The following EEIG1 variants were observed in gnomAD, a reference collection of about 807,000 sequenced individuals.
The protein encoded by EEIG1 is early estrogen-induced gene 1 protein.
chr9:127,970,177 G>A, the EEIG1 span, among the ~76,000 whole-genome samples: 5 of 152,110 alleles, frequency 3.3e-5, no homozygotes, highest in East Asian at 1.9e-4. Context: ...GCAGTGGCGC[G>A]ATCTCCGCAC....
the EEIG1 span, among the ~76,000 whole-genome samples, chr9:127,950,998 AGGAGCCCCAG>A: frequency 6.6e-6 from 1 of 152,204 alleles, no homozygotes; most frequent in Non-Finnish European, 1.5e-5. Flanking sequence ...CAGGATGAGC[AGGAGCCCCAG>A]GGAAGGCGCC....
chr9:127,975,694 G>C, the EEIG1 span, among the ~76,000 whole-genome samples: 3 of 152,194 alleles, frequency 2.0e-5, no homozygotes, highest in East Asian at 5.8e-4. Flanking sequence ...CTTGCTATGA[G>C]GTAAGTCAGT....
At chr9:127,949,769 G>A in the EEIG1 span, among the ~76,000 whole-genome samples, 5 of 152,226 alleles carry the variant, frequency 3.3e-5, no homozygotes, top group Non-Finnish European at 7.3e-5. Context: ...CCGGCCAGGT[G>A]AAAGGTGTGG....
At chr9:127,946,070 G>A in the EEIG1 span, among the ~76,000 whole-genome samples, 14 of 152,378 alleles carry the variant, frequency 9.2e-5, no homozygotes, top group Admixed American at 1.3e-4. Flanking sequence ...TGCTTACTGG[G>A]GGTCTGGCCC....
At chr9:127,977,959 T>A in the EEIG1 span, among the ~76,000 whole-genome samples, 1 of 152,184 alleles carries the variant, frequency 6.6e-6, no homozygotes, top group Non-Finnish European at 1.5e-5. Flanking sequence ...ACTTGCCCAA[T>A]GTCACTCAGC....
At chr9:127,943,076 G>A in the EEIG1 span, 298 of 900,910 alleles carry the variant, frequency 3.3e-4, 1 homozygote, top group Non-Finnish European at 6.6e-5. Context: ...GTGCATGGAG[G>A]AGGCATGGAT....
chr9:127,976,147 G>A, the EEIG1 span, among the ~76,000 whole-genome samples: 1 of 152,238 alleles, frequency 6.6e-6, no homozygotes, highest in African/African-American at 2.4e-5. The surrounding 1 kb of genome is among the most constrained non-coding windows in gnomAD (Gnocchi z 4.1). Context: ...AAGGTCTGGG[G>A]CTGTCACACG....
At chr9:127,950,744 A>T in the EEIG1 span, 2 of 1,384,164 alleles carry the variant, frequency 1.4e-6, no homozygotes, top group African/African-American at 2.9e-5. Flanking sequence ...AAAGCCAGGA[A>T]CTCACATCCC....
chr9:127,965,808 C>T, the EEIG1 span, among the ~76,000 whole-genome samples: 142 of 152,362 alleles, frequency 9.3e-4, no homozygotes, highest in African/African-American at 3.3e-3. Context: ...TGGGGACCAG[C>T]CAAGGCGTCC....
chr9:127,966,774 C>G, the EEIG1 span, among the ~76,000 whole-genome samples: 1 of 152,220 alleles, frequency 6.6e-6, no homozygotes, highest in East Asian at 1.9e-4. Context: ...TCCTGTGTGC[C>G]AAGTAATTCT....
chr9:127,941,035 G>A, the EEIG1 span: 13 of 152,168 alleles, frequency 8.5e-5, no homozygotes, highest in Non-Finnish European at 1.8e-4. Flanking sequence ...AAGTCCAGGA[G>A]CTGTGGGCAC....
chr9:127,948,645 G>A, the EEIG1 span, among the ~76,000 whole-genome samples: 3 of 152,234 alleles, frequency 2.0e-5, no homozygotes, highest in African/African-American at 7.2e-5. Flanking sequence ...CAGAGGGGAG[G>A]GCATAGCAAG....
chr9:127,944,464 G>T, the EEIG1 span: 1 of 648,612 alleles, frequency 1.5e-6, no homozygotes, highest in South Asian at 1.8e-5. Context: ...CCTGACAGAT[G>T]GGGAAAGGGA....
the EEIG1 span, among the ~76,000 whole-genome samples, chr9:127,966,179 G>A: frequency 4.7e-4 from 72 of 152,280 alleles, no homozygotes; most frequent in South Asian, 3.1e-3. Context: ...GGCACAGGGT[G>A]GAGGGAAGCC....
chr9:127,954,071 TCAC>T, the EEIG1 span: 10 of 919,780 alleles, frequency 1.1e-5, no homozygotes, highest in African/African-American at 5.0e-5. Flanking sequence ...AGCTGTGTTT[TCAC>T]CACAAGAATG....
chr9:127,958,342 A>C, the EEIG1 span, among the ~76,000 whole-genome samples: 111 of 152,328 alleles, frequency 7.3e-4, 1 homozygote, highest in South Asian at 0.02. Flanking sequence ...GATAAAAGAA[A>C]AATATAGATA....
the EEIG1 span, among the ~76,000 whole-genome samples, chr9:127,946,010 A>C: frequency 6.6e-6 from 1 of 152,212 alleles, no homozygotes; most frequent in Non-Finnish European, 1.5e-5. Flanking sequence ...CTGAACAAAA[A>C]CTGCCTCCAC....
the EEIG1 span, among the ~76,000 whole-genome samples, chr9:127,975,060 T>C: frequency 6.6e-6 from 1 of 152,222 alleles, no homozygotes; most frequent in South Asian, 2.1e-4. Context: ...GGAGGTGGAT[T>C]CAACCAGCAT....
chr9:127,973,140 C>T, the EEIG1 span, among the ~76,000 whole-genome samples: 1 of 152,222 alleles, frequency 6.6e-6, no homozygotes, highest in African/African-American at 2.4e-5. The surrounding 1 kb of genome is among the most constrained non-coding windows in gnomAD (Gnocchi z 4.2). Context: ...ACTGGTTGTG[C>T]TTAAGATATT....
Sources: allele counts gnomAD v4.1 joint callset (sites outside exome capture counted in the v4.1 genomes callset), GRCh38; gene constraint gnomAD v4.1.1; non-coding constraint Gnocchi (gnomAD v3.1); transcripts MANE v1.5; gene names NCBI Gene and HGNC (gene_info 2026-07-23, HGNC 2026-07-21).